Variants in CETN2 observed in about 807,000 individuals in gnomAD.
CETN2 encodes centrin-2.
A neutral mutation model predicts 12.6 loss-of-function variants in CETN2; 2 were observed. That is an observed-to-expected ratio of 0.16 (90% CI 0.07 to 0.50). The LOEUF (loss-of-function observed/expected upper bound fraction) is 0.50, where lower values mean the gene tolerates loss of function less well. CETN2 is among the 20% of genes least tolerant of loss of function. CETN2 has a pLI of 0.96. For synonymous variants in CETN2, 41 were observed against 43.4 expected, an observed-to-expected ratio of 0.94 and a Z score of 0.22; for missense variants, 81 against 128.3, an observed-to-expected ratio of 0.63 and a Z score of 1.78.
chrX:152,828,074 C>T (rs1476996559), intron 4 of CETN2, 144 bp from the exon 5 acceptor site: 1 of 471,553 alleles, frequency 2.1e-6, no homozygotes, highest in African/African-American at 2.4e-5. Context: ...CCTCCTGCCT[C>T]AGCCTCCCAA....
chrX:152,829,094 G>C, intron 3 of CETN2, 55 bp downstream of exon 3: 1 of 1,182,631 alleles, frequency 8.5e-7, no homozygotes, highest in Non-Finnish European at 1.1e-6. Context: ...AAGACGCCAT[G>C]GACCTCTGCA....
chrX:152,830,574 T>G (rs782342715), intron 1 of CETN2, 134 bp downstream of exon 1: 3 of 835,053 alleles, frequency 3.6e-6, no homozygotes, highest in Non-Finnish European at 5.0e-6. Flanking sequence ...TACCCTACTC[T>G]CCCGGGAAAG....
rs956267858 is a variant in CETN2, at chrX:152,828,940, G to C, written c.291+209C>G. ...TATTTCCTAACTGATTTGGAATTCT[G>C]TGGGAAGAGGTATCTGCTTGGAAGT... On this transcript the variant is annotated intron_variant, in intron 3 of 4. Transcript: ENST00000370277. 10 of 451,713 alleles carry C rather than the reference G, an allele frequency of 2.2e-5. No homozygotes were observed. The African/African-American group carries it at 2.5e-4, about 11-fold the overall frequency. 37.2% of individuals were successfully genotyped at this position (451,713 alleles called of 1,213,427 possible). A position where few individuals can be genotyped will look rare whatever the true frequency, so the allele number is the denominator to read the frequency against.
intron 2 of CETN2, 58 bp from the exon 3 acceptor site, chrX:152,829,335 A>G (rs996204794): frequency 1.1e-4 from 128 of 1,126,593 alleles, no homozygotes; most frequent in Non-Finnish European, 1.1e-4. Flanking sequence ...GAGCAAAAAT[A>G]ACAGTGTTGA....
chrX:152,828,579 C>T lies in CETN2; in HGVS notation c.387G>A (p.Val129=), dbSNP rs1226271187. The T allele has an allele frequency of 8.3e-7, 1 of 1,209,780 alleles. No individual in the cohort carries two copies. The highest frequency in any genetic ancestry group is 2.2e-5 in the Admixed American group (1 of 45,741). ...GKISFKNLKR[V]AKELGENLTD... is the part of the protein sequence containing the mutation. ...TCAGGTTCTCACCCAACTCCTTGGC[C>T]ACGCGTTTCAGATTTTTGAACGAAA... Residue 129 remains valine (V), a synonymous_variant, in exon 4 of 5, where the codon GTG becomes GTA. Coordinates refer to ENST00000370277, the MANE Select transcript of CETN2 (RefSeq NM_004344.3).
intron 4 of CETN2, among the ~76,000 whole-genome samples, chrX:152,828,189 C>T (rs1340767701): frequency 9.0e-6 from 1 of 111,480 alleles, no homozygotes; most frequent in Non-Finnish European, 1.9e-5. Context: ...TTGTAGTCCA[C>T]CCAATGCCAG....
At position 152,829,182 on chromosome X, in the gene CETN2, A is replaced by G. The variant is rs1932978275; in HGVS notation, c.258T>C (p.Phe86=). The G allele has an allele frequency of 8.3e-7, 1 of 1,209,859 alleles. No homozygotes were observed. The highest frequency in any genetic ancestry group is 1.1e-6 in the Non-Finnish European group (1 of 894,689). ...IDKEGTGKMN[F]GDFLTVMTQK... is the part of the protein sequence containing the mutation. ...GGGTCATCACAGTTAAAAAGTCACC[A>G]AAGTTCATTTTTCCTGTCCCTTCCT... The change falls in exon 3 of 5, where the codon TTT becomes TTC. Residue 86 remains phenylalanine (F), a synonymous_variant. Coordinates refer to ENST00000370277, the MANE Select transcript of CETN2 (RefSeq NM_004344.3).
chrX:152,827,960 T>G, intron 4 of CETN2, 30 bp from the exon 5 acceptor site: 1 of 1,136,497 alleles, frequency 8.8e-7, no homozygotes, highest in Non-Finnish European at 1.2e-6. Flanking sequence ...CAGGTTAATT[T>G]ATAAACTAAT....
chrX:152,829,767 A>G lies in CETN2; in HGVS notation c.4-7T>C. 8.5e-7 allele frequency: 1 copy of G among 1,175,520 alleles called. No individual in the cohort carries two copies. Among genetic ancestry groups the G allele is most frequent in the Non-Finnish European group, 1.1e-6 (1 of 870,494 alleles). ...CCTTCTTAAAGTTGGAGGCCTTTAT[A>G]TGTTATGCAATACACAAGCACAATA... On this transcript the variant is annotated splice_polypyrimidine_tract_variant and splice_region_variant and intron_variant, in intron 1 of 4. Coordinates refer to ENST00000370277, the MANE Select transcript of CETN2 (RefSeq NM_004344.3).
intron 4 of CETN2, 36 bp from the exon 5 acceptor site, chrX:152,827,966 C>A: frequency 9.0e-7 from 1 of 1,111,244 alleles, no homozygotes; most frequent in Admixed American, 2.3e-5. Context: ...AATTTATAAA[C>A]TAATGCCAAA....
intron 2 of CETN2, 32 bp from the exon 3 acceptor site, chrX:152,829,309 A>G: frequency 8.6e-7 from 1 of 1,160,973 alleles, no homozygotes; most frequent in Non-Finnish European, 1.1e-6. Flanking sequence ...CTCAATAAGC[A>G]CATCTAAAGT....
At chrX:152,828,037 G>T in intron 4 of CETN2, 107 bp from the exon 5 acceptor site, 1 of 598,791 alleles carries the variant, frequency 1.7e-6, no homozygotes, top group Non-Finnish European at 2.6e-6. Flanking sequence ...TGCCCACACT[G>T]GTCTCAAATT....
intron 1 of CETN2, among the ~76,000 whole-genome samples, chrX:152,830,490 G>A (rs2015207786): frequency 8.8e-6 from 1 of 113,096 alleles, no homozygotes; most frequent in Non-Finnish European, 1.9e-5. Flanking sequence ...GAGCCCGAGG[G>A]GCGGGTGTGG....
Position 152,827,722 on chromosome X carries a change from A to G in CETN2, c.*119T>C. 1 of 577,000 alleles carries G rather than the reference A, an allele frequency of 1.7e-6. No individual in the cohort carries two copies. The highest frequency in any genetic ancestry group is 2.9e-6 in the Non-Finnish European group (1 of 346,964). The allele number at this position is 577,000 out of a possible 1,213,427, so 47.6% of individuals were successfully genotyped here. A position where few individuals can be genotyped will look rare whatever the true frequency, so the allele number is the denominator to read the frequency against. ...CTAAAATAGGCTCAAGGTCACTATT[A>G]AAGTGATAAAGGGAGGTCCGTGGGG... On this transcript the variant is annotated 3_prime_UTR_variant, in exon 5 of 5. Coordinates refer to ENST00000370277, the MANE Select transcript of CETN2 (RefSeq NM_004344.3).
chrX:152,827,709 C>A lies in CETN2; in HGVS notation c.*132G>T. The A allele has an allele frequency of 1.9e-6, 1 of 513,457 alleles. No individual in the cohort carries two copies. The highest frequency in any genetic ancestry group is 3.3e-6 in the Non-Finnish European group (1 of 305,338). 42.3% of individuals were successfully genotyped at this position (513,457 alleles called of 1,213,427 possible). On this transcript the variant is annotated 3_prime_UTR_variant, in exon 5 of 5. Coordinates refer to ENST00000370277, the MANE Select transcript of CETN2 (RefSeq NM_004344.3). ...CACTTCCAAACGGCTAAAATAGGCT[C>A]AAGGTCACTATTAAAGTGATAAAGG...
At position 152,827,191 on chromosome X, in the gene CETN2, A is replaced by G. The variant is rs908699041; in HGVS notation, c.*650T>C. 1 of 112,632 alleles carries G rather than the reference A, an allele frequency of 8.9e-6. No homozygotes were observed. The highest frequency in any genetic ancestry group is 3.2e-5 in the African/African-American group (1 of 30,953). 9.3% of individuals were successfully genotyped at this position (112,632 alleles called of 1,213,427 possible). ...AAGGCAAAAAGCAATTCATGCCAGGAAAGTAGCAAAGGATTATTCATTTTC... is the reference window on the plus strand; with the variant it reads ...AAGGCAAAAAGCAATTCATGCCAGGGAAGTAGCAAAGGATTATTCATTTTC... On this transcript the variant is annotated 3_prime_UTR_variant, in exon 5 of 5. Coordinates refer to ENST00000370277, the MANE Select transcript of CETN2 (RefSeq NM_004344.3).
At position 152,828,848 on chromosome X, in the gene CETN2, G is replaced by C. The variant is rs1273138748; in HGVS notation, c.292-174C>G. On this transcript the variant is annotated intron_variant, in intron 3 of 4. Coordinates refer to ENST00000370277, the MANE Select transcript of CETN2 (RefSeq NM_004344.3). ...CATTTTGGCCTCAAAGAAACACCAG[G>C]CAAGCCAGGCACTCCATCCAAGGTG... The C allele has an allele frequency of 6.3e-6, 3 of 472,798 alleles. No homozygotes were observed. The Admixed American group carries it at 1.3e-4, about 21-fold the overall frequency. The allele number at this position is 472,798 out of a possible 1,213,427, so 39.0% of individuals were successfully genotyped here.
In CETN2 at chrX:152,829,284, A is replaced by T. The variant is rs141784522; in HGVS notation, c.163-7T>A. On this transcript the variant is annotated splice_polypyrimidine_tract_variant and splice_region_variant and intron_variant, in intron 2 of 4. Transcript: ENST00000370277. Reference sequence around the variant, plus strand: ...CCAGGGCCCTCATTGCCACCTATAAAGAAAACAGGATCGTCTCAATAAGCA... The same window carrying T: ...CCAGGGCCCTCATTGCCACCTATAATGAAAACAGGATCGTCTCAATAAGCA... 2,021 of 1,176,100 alleles carry T rather than the reference A, an allele frequency of 1.7e-3. 20 individuals are homozygous for T. In the African/African-American group the frequency reaches 0.032, roughly 18 times the overall value.
intron 1 of CETN2, 63 bp downstream of exon 1, chrX:152,830,645 G>T: frequency 8.7e-7 from 1 of 1,150,191 alleles, no homozygotes; most frequent in African/African-American, 1.8e-5. Flanking sequence ...CGGCGTGGCC[G>T]AGCTGGGGCC....
Sources: allele counts gnomAD v4.1 joint callset (sites outside exome capture counted in the v4.1 genomes callset), GRCh38; gene constraint gnomAD v4.1.1; transcripts MANE v1.5; gene names NCBI Gene and HGNC (gene_info 2026-07-23, HGNC 2026-07-21).